MVB12B: variants seen among roughly 807,000 people sequenced by gnomAD.
MVB12B encodes the protein multivesicular body subunit 12B, also known as ESCRT-I complex subunit MVB12B.
In MVB12B, 16 loss-of-function variants were observed where a neutral mutation model predicts 41.6. That is an observed-to-expected ratio of 0.38 (90% CI 0.26 to 0.58). MVB12B has a LOEUF of 0.58. Ranked by LOEUF, MVB12B falls within the 20% of genes least tolerant of loss-of-function variation. The pLI, the probability that MVB12B is intolerant of heterozygous loss-of-function variation, is 0.62. For missense variants in MVB12B, 274 were observed against 380.2 expected, an observed-to-expected ratio of 0.72 and a Z score of 2.32; for synonymous variants, 133 against 139.7, an observed-to-expected ratio of 0.95 and a Z score of 0.34.
At chr9:126,351,299 G>A (rs1829740466) in intron 2 of MVB12B, among the ~76,000 whole-genome samples, 1 of 151,770 alleles carries the variant, frequency 6.6e-6, no homozygotes, top group Non-Finnish European at 1.5e-5. Context: ...TTTTTCTTAT[G>A]ATTCCTTGTG....
At chr9:126,399,452 G>A (rs1831208619) in intron 6 of MVB12B, among the ~76,000 whole-genome samples, 1 of 152,226 alleles carries the variant, frequency 6.6e-6, no homozygotes, top group African/African-American at 2.4e-5. Flanking sequence ...TCAGCCTTGG[G>A]CATGTGATCA....
chr9:126,363,787 G>T (rs989073035), intron 2 of MVB12B, among the ~76,000 whole-genome samples: 1 of 152,104 alleles, frequency 6.6e-6, no homozygotes, highest in Non-Finnish European at 1.5e-5. Context: ...CCTCAGAGGT[G>T]CTGTGCCCAT....
chr9:126,442,175 T>C (rs1290930777), intron 7 of MVB12B, among the ~76,000 whole-genome samples: 2 of 152,230 alleles, frequency 1.3e-5, no homozygotes, highest in East Asian at 3.9e-4. Context: ...TTTAAAGCAG[T>C]AACACACATA....
chr9:126,454,934 C>T (rs1159098016), intron 7 of MVB12B, among the ~76,000 whole-genome samples: 1 of 152,136 alleles, frequency 6.6e-6, no homozygotes, highest in East Asian at 1.9e-4. Flanking sequence ...GCCCTTTCTT[C>T]CCTTCCCTCC....
intron 6 of MVB12B, among the ~76,000 whole-genome samples, chr9:126,419,718 A>G (rs1270533808): frequency 6.6e-6 from 1 of 152,156 alleles, no homozygotes; most frequent in Non-Finnish European, 1.5e-5. Flanking sequence ...TCACCCTCGC[A>G]GGGTTCCCAG....
At chr9:126,402,693 C>T (rs1212775040) in intron 6 of MVB12B, among the ~76,000 whole-genome samples, 1 of 152,196 alleles carries the variant, frequency 6.6e-6, no homozygotes, top group Non-Finnish European at 1.5e-5. Context: ...CCCTGGTTTT[C>T]TGGCTTGGGG....
Position 126,404,302 on chromosome 9 carries a change from A to G in MVB12B, c.662+8605A>G, listed in dbSNP as rs145464090. 2.0e-4 allele frequency among the ~76,000 whole-genome samples: 30 copies of G among 152,322 alleles called. No homozygotes were observed. The East Asian group carries it at 3.9e-3, about 20-fold the overall frequency. ...GCTCTGTGAGTCAGTTACTATTATC[A>G]GCCCAGGTTTAAGTTGAGGAAACTG... On this transcript the variant is annotated intron_variant, in intron 6 of 9. Coordinates refer to ENST00000361171, the MANE Select transcript of MVB12B (RefSeq NM_033446.3).
In MVB12B at chr9:126,421,836, C is replaced by G. The variant is rs755471928; in HGVS notation, c.663-18C>G. Reference sequence around the variant, plus strand: ...ATGCTCCTTGTAATCTCCTTTCTCTCGTCCTTCTCTTCCTCAGGCACATCT... The same window carrying G: ...ATGCTCCTTGTAATCTCCTTTCTCTGGTCCTTCTCTTCCTCAGGCACATCT... On this transcript the variant is annotated intron_variant, in intron 6 of 9. Transcript: ENST00000361171. 1 of 1,594,134 alleles carries G rather than the reference C, an allele frequency of 6.3e-7. No individual in the cohort carries two copies. Among genetic ancestry groups the G allele is most frequent in the Admixed American group, 1.7e-5 (1 of 59,996 alleles).
At position 126,391,623 on chromosome 9, in the gene MVB12B, C is replaced by T. The variant is rs984768807; in HGVS notation, c.410-443C>T. Among the ~76,000 whole-genome samples, 16 of 152,208 alleles carry T rather than the reference C, an allele frequency of 1.1e-4. No individual in the cohort carries two copies. Among genetic ancestry groups the T allele is most frequent in the Admixed American group, 9.8e-4 (15 of 15,274 alleles). ...AGGAAACCAGCTTGTCCATTGTGCACAGCATTGACACTGGGTGACGGGAAC... is the reference window on the plus strand; with the variant it reads ...AGGAAACCAGCTTGTCCATTGTGCATAGCATTGACACTGGGTGACGGGAAC... On this transcript the variant is annotated intron_variant, in intron 4 of 9. Transcript: ENST00000361171. The surrounding 1 kb of genome is among the most constrained non-coding windows in gnomAD (Gnocchi z 4.4).
intron 1 of MVB12B, among the ~76,000 whole-genome samples, chr9:126,329,761 C>T (rs947432523): frequency 6.6e-6 from 1 of 152,160 alleles, no homozygotes; most frequent in Non-Finnish European, 1.5e-5. Flanking sequence ...CAAATGACTA[C>T]ATGGCTGGAT....
At chr9:126,474,121 G>T (rs551250228) in intron 7 of MVB12B, among the ~76,000 whole-genome samples, 129 of 152,278 alleles carry the variant, frequency 8.5e-4, no homozygotes, top group Middle Eastern at 3.4e-3. Context: ...AGGCAGCGTG[G>T]GGGGATGAAG....
In MVB12B at chr9:126,386,873, C is replaced by T. The variant is rs1052679368; in HGVS notation, c.409+215C>T. On this transcript the variant is annotated intron_variant, in intron 4 of 9. Transcript: ENST00000361171. This position sits in a 1 kb window ranked among gnomAD's most constrained non-coding sequence, Gnocchi z 4.3. ...GGTAGCAGCATGTAAATGAGCAGAACGTGCCTTTCTTTTAGAATGGTGCTC... is the reference window on the plus strand; with the variant it reads ...GGTAGCAGCATGTAAATGAGCAGAATGTGCCTTTCTTTTAGAATGGTGCTC... Among the ~76,000 whole-genome samples the T allele has an allele frequency of 2.6e-5, 4 of 152,050 alleles. No individual in the cohort carries two copies. The highest frequency in any genetic ancestry group is 5.9e-5 in the Non-Finnish European group (4 of 68,032).
chr9:126,371,669 T>C (rs935857784), intron 2 of MVB12B, among the ~76,000 whole-genome samples: 6 of 152,234 alleles, frequency 3.9e-5, no homozygotes, highest in African/African-American at 1.4e-4. Context: ...ATTCTTTTCA[T>C]GGTTCAATGG....
At chr9:126,347,347 T>C (rs1052955646) in intron 2 of MVB12B, among the ~76,000 whole-genome samples, 2 of 152,248 alleles carry the variant, frequency 1.3e-5, no homozygotes, top group Non-Finnish European at 2.9e-5. Context: ...TTCCCCTTTT[T>C]TGCTGCTCCT....
chr9:126,364,047 C>A (rs1830096869), intron 2 of MVB12B, among the ~76,000 whole-genome samples: 2 of 152,194 alleles, frequency 1.3e-5, no homozygotes, highest in Non-Finnish European at 2.9e-5. Flanking sequence ...TGCACACATT[C>A]TCCACCAGCA....
At chr9:126,485,600 A>AC (rs199955956) in intron 9 of MVB12B, among the ~76,000 whole-genome samples, 142 of 56,358 alleles carry the variant, frequency 2.5e-3, no homozygotes, top group South Asian at 4.1e-3. Flanking sequence ...AGGTCAGGGT[A>AC]CTTCCACTGT....
chr9:126,342,064 A>G (rs557312468), intron 2 of MVB12B, among the ~76,000 whole-genome samples: 5 of 152,400 alleles, frequency 3.3e-5, no homozygotes, highest in African/African-American at 1.2e-4. Flanking sequence ...ATAACTTTCC[A>G]TAAAATAGAA....
In MVB12B at chr9:126,360,202, T is replaced by G. The variant is rs575299880; in HGVS notation, c.204+19572T>G. 2.6e-4 allele frequency among the ~76,000 whole-genome samples: 39 copies of G among 152,308 alleles called. No individual in the cohort carries two copies. The South Asian group carries it at 2.7e-3, about 11-fold the overall frequency. ...ACCCATAAATTATTTAGATGTGTGG[T>G]TTTTTGTTTCCATGTATTTGGGGAC... On this transcript the variant is annotated intron_variant, in intron 2 of 9. Transcript: ENST00000361171.
Position 126,395,937 on chromosome 9 carries a change from A to G in MVB12B, c.662+240A>G, listed in dbSNP as rs745588046. 7.6e-6 allele frequency: 10 copies of G among 1,320,144 alleles called. No homozygotes were observed. Among genetic ancestry groups the G allele is most frequent in the Non-Finnish European group, 9.6e-6 (10 of 1,036,292 alleles). 81.8% of individuals were successfully genotyped at this position (1,320,144 alleles called of 1,614,324 possible). On this transcript the variant is annotated intron_variant, in intron 6 of 9. Transcript: ENST00000361171. The surrounding 1 kb of genome is among the most constrained non-coding windows in gnomAD (Gnocchi z 4.9). Reference sequence around the variant, plus strand: ...GTTCTGCAGGCTTCTAAAATTGCAGATTATGCAACTTAAAATTGGCTCCCT... The same window carrying G: ...GTTCTGCAGGCTTCTAAAATTGCAGGTTATGCAACTTAAAATTGGCTCCCT...
Sources: allele counts gnomAD v4.1 joint callset (sites outside exome capture counted in the v4.1 genomes callset), GRCh38; gene constraint gnomAD v4.1.1; non-coding constraint Gnocchi (gnomAD v3.1); transcripts MANE v1.5; gene names NCBI Gene and HGNC (gene_info 2026-07-23, HGNC 2026-07-21).